TAFA2: variants seen among roughly 807,000 people sequenced by gnomAD.
TAFA2 encodes the protein chemokine-like protein TAFA-2.
Under a neutral mutation model 18.8 loss-of-function variants are expected in TAFA2, and 7 were observed. The observed-to-expected ratio is 0.37, with a 90% confidence interval of 0.21 to 0.70. The LOEUF (loss-of-function observed/expected upper bound fraction) is 0.70, where lower values mean the gene tolerates loss of function less well. Ranked by LOEUF, TAFA2 falls within the 30% of genes least tolerant of loss-of-function variation. TAFA2 has a pLI of 0.53. For synonymous variants in TAFA2, 60 were observed against 54.2 expected (o/e 1.11, Z -0.47); for missense variants, 122 against 158.1 (o/e 0.77, Z 1.23).
At chr12:62,216,688 T>G (rs936574520) in intron 1 of TAFA2, among the ~76,000 whole-genome samples, 1 of 152,226 alleles carries the variant, frequency 6.6e-6, no homozygotes, top group Non-Finnish European at 1.5e-5. Context: ...CCAATCTTAT[T>G]GGAAAGATCA....
At chr12:61,881,578 C>A (rs1284833749) in intron 1 of TAFA2, among the ~76,000 whole-genome samples, 1 of 152,072 alleles carries the variant, frequency 6.6e-6, no homozygotes, top group African/African-American at 2.4e-5. Flanking sequence ...TATGATGGGG[C>A]TGGTAGGAGC....
intron 1 of TAFA2, among the ~76,000 whole-genome samples, chr12:61,899,839 T>A (rs1383999352): frequency 1.3e-5 from 2 of 152,200 alleles, no homozygotes; most frequent in Non-Finnish European, 2.9e-5. Flanking sequence ...TATGTAGCGT[T>A]CATATTCTAT....
At chr12:62,104,931 A>G (rs1869379968) in intron 1 of TAFA2, 1 of 231,462 alleles carries the variant, frequency 4.3e-6, no homozygotes, top group South Asian at 4.2e-5. Flanking sequence ...CAAGTCCTTG[A>G]GGGGGTAAAC....
chr12:62,173,836 CTCTA>C (rs1478180199), intron 1 of TAFA2, among the ~76,000 whole-genome samples: 1 of 152,186 alleles, frequency 6.6e-6, no homozygotes, highest in Non-Finnish European at 1.5e-5. Context: ...AGGAAATGAG[CTCTA>C]TCTGAGATTG....
chr12:62,112,359 G>A (rs915192011), intron 1 of TAFA2, among the ~76,000 whole-genome samples: 19 of 152,216 alleles, frequency 1.2e-4, no homozygotes, highest in African/African-American at 4.3e-4. Context: ...GAGATCTGCT[G>A]TTAGTCTGAT....
intron 1 of TAFA2, among the ~76,000 whole-genome samples, chr12:61,896,361 G>A (rs1399911289): frequency 6.6e-6 from 1 of 152,154 alleles, no homozygotes; most frequent in Non-Finnish European, 1.5e-5. Context: ...TTTCATGAAT[G>A]TAAAAAACAT....
chr12:61,888,804 T>A (rs946593513), intron 1 of TAFA2, among the ~76,000 whole-genome samples: 2 of 152,210 alleles, frequency 1.3e-5, no homozygotes, highest in African/African-American at 4.8e-5. Context: ...TGCCAGATTC[T>A]TAGTGAAAAG....
intron 1 of TAFA2, among the ~76,000 whole-genome samples, chr12:61,992,119 C>T (rs540496312): frequency 4.6e-4 from 70 of 152,258 alleles, no homozygotes; most frequent in African/African-American, 1.6e-3. Flanking sequence ...TATCTAAGGG[C>T]AGACTTCTCT....
chr12:62,010,160 TC>T (rs1880684560), intron 1 of TAFA2, among the ~76,000 whole-genome samples: 1 of 66,360 alleles, frequency 1.5e-5, no homozygotes. Context: ...CCTCTCCCCC[TC>T]CCCCTCCCCC....
intron 1 of TAFA2, among the ~76,000 whole-genome samples, chr12:62,245,439 A>C (rs1224414261): frequency 1.3e-5 from 2 of 151,864 alleles, no homozygotes; most frequent in Admixed American, 6.6e-5. Context: ...TCTGCAGATT[A>C]TCTTGAATTT....
At chr12:62,176,905 T>C (rs1304576761) in intron 1 of TAFA2, among the ~76,000 whole-genome samples, 2 of 152,204 alleles carry the variant, frequency 1.3e-5, no homozygotes, top group Non-Finnish European at 2.9e-5. Flanking sequence ...AACTCAGCTC[T>C]GAAGGCAGAA....
chr12:61,768,659 G>A (rs1869892561), intron 2 of TAFA2, among the ~76,000 whole-genome samples: 1 of 152,056 alleles, frequency 6.6e-6, no homozygotes, highest in Admixed American at 6.5e-5. Context: ...GGAAGCAGCT[G>A]GAAGAGTGCT....
chr12:61,972,879 T>C (rs982795754), intron 1 of TAFA2, among the ~76,000 whole-genome samples: 3 of 151,536 alleles, frequency 2.0e-5, no homozygotes, highest in African/African-American at 4.8e-5. Context: ...AATCCATGAT[T>C]AGAAAGCAGG....
chr12:61,869,475 C>T (rs1018055216), intron 1 of TAFA2, among the ~76,000 whole-genome samples: 59 of 152,146 alleles, frequency 3.9e-4, no homozygotes, highest in African/African-American at 1.4e-3. Flanking sequence ...CTCTGTGAGG[C>T]ACCAGTTCCA....
chr12:62,044,546 C>G (rs2136764837), intron 1 of TAFA2, among the ~76,000 whole-genome samples: 1 of 152,194 alleles, frequency 6.6e-6, no homozygotes, highest in East Asian at 1.9e-4. Context: ...TGGCACAGAC[C>G]AAGAGAACCA....
chr12:62,099,148 TA>T (rs1869077213), intron 1 of TAFA2, among the ~76,000 whole-genome samples: 1 of 151,470 alleles, frequency 6.6e-6, no homozygotes, highest in Non-Finnish European at 1.5e-5. Context: ...ATATAAGGAG[TA>T]AAAACTGGTA....
intron 1 of TAFA2, among the ~76,000 whole-genome samples, chr12:62,131,109 G>A (rs934030797): frequency 6.6e-5 from 10 of 152,016 alleles, no homozygotes; most frequent in East Asian, 3.9e-4. Context: ...TTTTGTTGGG[G>A]GTGGGGAATG....
intron 1 of TAFA2, among the ~76,000 whole-genome samples, chr12:62,060,668 G>C (rs181162044): frequency 6.6e-6 from 1 of 152,176 alleles, no homozygotes; most frequent in Non-Finnish European, 1.5e-5. Context: ...TACAGGAGAT[G>C]GTAGCTTCAT....
At chr12:61,995,136 C>T (rs561121939) in intron 1 of TAFA2, among the ~76,000 whole-genome samples, 21 of 152,330 alleles carry the variant, frequency 1.4e-4, no homozygotes, top group Non-Finnish European at 2.6e-4. Context: ...TTATAATGTT[C>T]TCCAAGGCTA....
Sources: gnomAD v4.1 joint callset for allele counts (sites outside exome capture counted in the v4.1 genomes callset) on GRCh38, gnomAD v4.1.1 for gene constraint, MANE v1.5 for transcripts, NCBI Gene and HGNC (gene_info 2026-07-23, HGNC 2026-07-21) for gene names.